The following TRIM3 variants were observed in gnomAD, a reference collection of about 807,000 sequenced individuals.
TRIM3 encodes the protein tripartite motif-containing protein 3.
Under a neutral mutation model 66.6 loss-of-function variants are expected in TRIM3, and 13 were observed. The observed-to-expected ratio is 0.20, with a 90% CI of 0.13 to 0.31. The LOEUF is 0.31. TRIM3 is among the 10% of genes least tolerant of loss of function. The pLI is 1.00. For synonymous variants in TRIM3, 406 were observed against 411.7 expected (o/e 0.99, Z 0.17); for missense variants, 711 against 1,020.4 (o/e 0.70, Z 4.13).
At position 6,456,114 on chromosome 11, in the gene TRIM3, G is replaced by A. The variant is rs777684374; in HGVS notation, c.1491C>T (p.Ser497=). Residue 497 remains serine, a synonymous_variant, in exon 7 of 12, where the codon AGC becomes AGT. Transcript: ENST00000345851. This position sits in a 1 kb window ranked among gnomAD's most constrained non-coding sequence, Gnocchi z 6.4. ...TNLQGVSAAS[S]GRIVVADSNN... ...TGCTGTCTGCTACCACGATGCGGCC[G>A]CTGCTGGCTGCGGACACACCTTGTA... The A allele has an allele frequency of 1.7e-5, 28 of 1,614,048 alleles. No individual in the cohort carries two copies. In the Admixed American group the frequency reaches 2.2e-4, roughly 12 times the overall value.
chr11:6,470,695 G>A (rs1208521832), intron 1 of TRIM3, among the ~76,000 whole-genome samples: 1 of 152,242 alleles, frequency 6.6e-6, no homozygotes, highest in African/African-American at 2.4e-5. Flanking sequence ...AGACATGAAT[G>A]TGGATGTTGG....
intron 7 of TRIM3, 24 bp from the exon 8 acceptor site, chr11:6,451,462 G>C (rs771092262): frequency 3.1e-6 from 5 of 1,612,160 alleles, no homozygotes; most frequent in Admixed American, 1.7e-5. Flanking sequence ...GCAAGGGGAG[G>C]GAGCAGGTAG....
intron 7 of TRIM3, among the ~76,000 whole-genome samples, chr11:6,453,407 A>G (rs1400035630): frequency 6.6e-6 from 1 of 152,216 alleles, no homozygotes; most frequent in Non-Finnish European, 1.5e-5. Context: ...CTGGTGTCCT[A>G]GTTTGGTCCT....
rs1251038001 is a variant in TRIM3, at chr11:6,456,056, C to T, written c.1533+16G>A. 7.4e-6 allele frequency: 12 copies of T among 1,611,010 alleles called. No homozygotes were observed. The highest frequency in any genetic ancestry group is 4.0e-5 in the African/African-American group (3 of 74,824). On this transcript the variant is annotated intron_variant, in intron 7 of 11. Transcript: ENST00000345851. This position sits in a 1 kb window ranked among gnomAD's most constrained non-coding sequence, Gnocchi z 6.4. ...CTCTTATTTTGGTGGTGGAGGAGAG[C>T]GGTAAAGGTGCTTACCTGAATACAC...
rs967284553 is a variant in TRIM3 at position 6,449,244 on chromosome 11, G to A, written c.2082+62C>T. The A allele has an allele frequency of 1.7e-5, 28 of 1,609,136 alleles. No homozygotes were observed. The East Asian group carries it at 5.1e-4, about 30-fold the overall frequency. On this transcript the variant is annotated intron_variant, in intron 11 of 11. Coordinates refer to ENST00000345851, the MANE Select transcript of TRIM3 (RefSeq NM_033278.4). The surrounding 1 kb of genome is among the most constrained non-coding windows in gnomAD (Gnocchi z 5.3). ...AGGCAGATGAGAGTCTGTTTTGGGGGAACGGGCATATGGGACACACCAGGA... is the reference window on the plus strand; with the variant it reads ...AGGCAGATGAGAGTCTGTTTTGGGGAAACGGGCATATGGGACACACCAGGA...
chr11:6,471,081 T>C (rs1258658702), intron 1 of TRIM3, among the ~76,000 whole-genome samples: 1 of 152,236 alleles, frequency 6.6e-6, no homozygotes, highest in African/African-American at 2.4e-5. Flanking sequence ...CAGCCAGTGC[T>C]GACTCCACTA....
chr11:6,457,468 TG>T lies in TRIM3; in HGVS notation c.523del (p.Gln175SerfsTer8). 1 of 1,612,412 alleles carries T rather than the reference TG, an allele frequency of 6.2e-7. No individual in the cohort carries two copies. The highest frequency in any genetic ancestry group is 1.1e-5 in the South Asian group (1 of 91,006). On this transcript the variant is annotated frameshift_variant, in exon 5 of 12. Transcript: ENST00000345851. LOFTEE classifies it high-confidence loss of function. This position sits in a 1 kb window ranked among gnomAD's most constrained non-coding sequence, Gnocchi z 4.5. ...QLEAVRGRLP[Q>X]LSAAIALVGG... is the part of the protein sequence containing the mutation. Reference sequence around the variant, plus strand: ...GACTAAGGCAATTGCTGCGGACAGCTGTGGCAATCTGGAGGGGGAATATCTC... The same window carrying T: ...GACTAAGGCAATTGCTGCGGACAGCTTGGCAATCTGGAGGGGGAATATCTC...
chr11:6,450,825 T>C lies in TRIM3; in HGVS notation c.1870+67A>G. Reference sequence around the variant, plus strand: ...TATAGGAGGAGAGGGCCTTTACAGCTGGGGTATCTAGGGGAGTTCTCTGGA... The same window carrying C: ...TATAGGAGGAGAGGGCCTTTACAGCCGGGGTATCTAGGGGAGTTCTCTGGA... On this transcript the variant is annotated intron_variant, in intron 9 of 11. Coordinates refer to ENST00000345851, the MANE Select transcript of TRIM3 (RefSeq NM_033278.4). The surrounding 1 kb of genome is among the most constrained non-coding windows in gnomAD (Gnocchi z 4.8). The C allele has an allele frequency of 6.3e-7, 1 of 1,589,562 alleles. No individual in the cohort carries two copies. Among genetic ancestry groups the C allele is most frequent in the East Asian group, 2.2e-5 (1 of 44,566 alleles).
chr11:6,466,362 G>T (rs181426324), intron 1 of TRIM3, among the ~76,000 whole-genome samples: 7 of 152,296 alleles, frequency 4.6e-5, no homozygotes, highest in Admixed American at 3.3e-4. Flanking sequence ...TACAGCAATA[G>T]CCTCTTAACT....
chr11:6,463,990 T>TG (rs2134210124), intron 2 of TRIM3, among the ~76,000 whole-genome samples: 1 of 152,224 alleles, frequency 6.6e-6, no homozygotes, highest in Non-Finnish European at 1.5e-5. Flanking sequence ...AGGTTTCCGT[T>TG]GGGGCAGAAG....
At position 6,457,942 on chromosome 11, in the gene TRIM3, A is replaced by G; in HGVS notation, c.364-95T>C. 9.0e-6 allele frequency: 14 copies of G among 1,559,906 alleles called. No individual in the cohort carries two copies. Among genetic ancestry groups the G allele is most frequent in the Non-Finnish European group, 1.2e-5 (14 of 1,148,074 alleles). ...TCCCTGCCCCTCACCTTCTAAGTGCACCCCCTACCTGGACCACTAATCCAG... is the reference window on the plus strand; with the variant it reads ...TCCCTGCCCCTCACCTTCTAAGTGCGCCCCCTACCTGGACCACTAATCCAG... On this transcript the variant is annotated intron_variant, in intron 3 of 11. Transcript: ENST00000345851. This position sits in a 1 kb window ranked among gnomAD's most constrained non-coding sequence, Gnocchi z 4.5.
rs928407998 is a variant in TRIM3 at position 6,448,872 on chromosome 11, C to T, written c.*156G>A. The T allele has an allele frequency of 9.2e-6, 8 of 868,176 alleles. No homozygotes were observed. The highest frequency in any genetic ancestry group is 2.5e-5 in the East Asian group (1 of 40,132). 53.8% of individuals were successfully genotyped at this position (868,176 alleles called of 1,614,324 possible). ...AAGAACCGAATAAATAAAGTGCAACCGTGGGGGTGGGGGTAGGAGAGGGAG... is the reference window on the plus strand; with the variant it reads ...AAGAACCGAATAAATAAAGTGCAACTGTGGGGGTGGGGGTAGGAGAGGGAG... On this transcript the variant is annotated 3_prime_UTR_variant, in exon 12 of 12. Transcript: ENST00000345851.
At chr11:6,461,482 CG>C (rs1327964021) in intron 2 of TRIM3, among the ~76,000 whole-genome samples, 92 of 147,498 alleles carry the variant, frequency 6.2e-4, no homozygotes, top group African/African-American at 2.0e-3. Context: ...CATTACCCCC[CG>C]CACCACTCTG....
At chr11:6,451,536 C>G in intron 7 of TRIM3, 98 bp from the exon 8 acceptor site, 1 of 1,334,954 alleles carries the variant, frequency 7.5e-7, no homozygotes, top group South Asian at 1.4e-5. Flanking sequence ...ACCCCCCCAC[C>G]ACCATTTATT....
At chr11:6,468,896 G>A (rs1187372847) in intron 1 of TRIM3, among the ~76,000 whole-genome samples, 3 of 152,180 alleles carry the variant, frequency 2.0e-5, no homozygotes, top group Non-Finnish European at 2.9e-5. Context: ...ATGCAGGAGC[G>A]AGTCTAGATT....
Position 6,465,769 on chromosome 11 carries a change from ACTT to A in TRIM3, c.-37-40_-37-38del, listed in dbSNP as rs373938787. 1.5e-3 allele frequency: 2,341 copies of A among 1,577,860 alleles called. 5 individuals are homozygous for A. Among genetic ancestry groups the A allele is most frequent in the Non-Finnish European group, 1.5e-3 (1,754 of 1,156,078 alleles). ...GATGGTCAGCACCAGGGAGTCCAGAACTTCTTCTCCCCACCCAATCCCCGCCAC... is the reference window on the plus strand; with the variant it reads ...GATGGTCAGCACCAGGGAGTCCAGAACTTCTCCCCACCCAATCCCCGCCAC... On this transcript the variant is annotated intron_variant, in intron 1 of 11. Coordinates refer to ENST00000345851, the MANE Select transcript of TRIM3 (RefSeq NM_033278.4).
chr11:6,473,376 A>AGGGTGG (rs1850781009), intron 1 of TRIM3: 1 of 3,030 alleles, frequency 3.3e-4, no homozygotes, highest in South Asian at 7.7e-3. Flanking sequence ...GGGGTGGGGT[A>AGGGTGG]GGGTGGGGGT....
chr11:6,454,345 C>T (rs1339869485), intron 7 of TRIM3, among the ~76,000 whole-genome samples: 2 of 146,226 alleles, frequency 1.4e-5, no homozygotes, highest in Non-Finnish European at 3.0e-5. Flanking sequence ...GAGCTGTGAT[C>T]ATAGCACTGT....
chr11:6,449,506 G>T lies in TRIM3; in HGVS notation c.1942-60C>A. 6.5e-7 allele frequency: 1 copy of T among 1,543,888 alleles called. No homozygotes were observed. Among genetic ancestry groups the T allele is most frequent in the East Asian group, 2.3e-5 (1 of 43,978 alleles). On this transcript the variant is annotated intron_variant, in intron 10 of 11. Coordinates refer to ENST00000345851, the MANE Select transcript of TRIM3 (RefSeq NM_033278.4). This position sits in a 1 kb window ranked among gnomAD's most constrained non-coding sequence, Gnocchi z 5.3. Reference sequence around the variant, plus strand: ...GCCTCAGGCAGAGGGTAGGGCTTTGGAGGAGGATAGGGTGAAGCCCCAGGG... The same window carrying T: ...GCCTCAGGCAGAGGGTAGGGCTTTGTAGGAGGATAGGGTGAAGCCCCAGGG...
Sources: gnomAD v4.1 joint callset for allele counts (sites outside exome capture counted in the v4.1 genomes callset) on GRCh38, gnomAD v4.1.1 for gene constraint, Gnocchi (gnomAD v3.1) non-coding constraint, MANE v1.5 for transcripts, NCBI Gene and HGNC (gene_info 2026-07-23, HGNC 2026-07-21) for gene names.